LRRC4C: variants seen among roughly 807,000 people sequenced by gnomAD.
LRRC4C encodes the protein leucine rich repeat containing 4C.
In LRRC4C, 5 loss-of-function variants were observed where a neutral mutation model predicts 33.6. That is an observed-to-expected ratio of 0.15 (90% confidence interval 0.08 to 0.31). The LOEUF (loss-of-function observed/expected upper bound fraction) is 0.31. LRRC4C is among the 10% of genes least tolerant of loss of function. The probability of loss-of-function intolerance (pLI) is 1.00; values close to 1 mark genes in which losing one functional copy is unlikely to be tolerated. For synonymous variants in LRRC4C, 329 were observed against 302.0 expected (o/e 1.09, Z -0.93); for missense variants, 560 against 796.7 (o/e 0.70, Z 3.58).
At chr11:40,827,524 T>G (rs558199008) in intron 2 of LRRC4C, among the ~76,000 whole-genome samples, 5 of 152,056 alleles carry the variant, frequency 3.3e-5, no homozygotes, top group African/African-American at 1.2e-4. Flanking sequence ...CACTGACTCT[T>G]TGAGGTTAAC....
intron 2 of LRRC4C, among the ~76,000 whole-genome samples, chr11:40,927,438 T>A (rs1957449329): frequency 6.6e-6 from 1 of 151,860 alleles, no homozygotes; most frequent in Admixed American, 6.6e-5. Flanking sequence ...TTACTAAAGA[T>A]AACAAAATAT....
intron 1 of LRRC4C, among the ~76,000 whole-genome samples, chr11:41,387,663 T>G (rs1382251519): frequency 6.6e-6 from 1 of 151,752 alleles, no homozygotes. Context: ...TGTTGTTATA[T>G]ATCACCCTAA....
chr11:41,219,322 T>A (rs1947201636), intron 1 of LRRC4C, among the ~76,000 whole-genome samples: 1 of 152,174 alleles, frequency 6.6e-6, no homozygotes. Flanking sequence ...ACCCTTGGCA[T>A]CTGCACAGTC....
At chr11:40,758,016 T>C (rs1949031146) in intron 2 of LRRC4C, among the ~76,000 whole-genome samples, 1 of 152,160 alleles carries the variant, frequency 6.6e-6, no homozygotes, top group African/African-American at 2.4e-5. Context: ...ATCTGGAGAA[T>C]GACATTGGAA....
chr11:40,944,970 T>G (rs545953716), intron 1 of LRRC4C, among the ~76,000 whole-genome samples: 16 of 152,074 alleles, frequency 1.1e-4, no homozygotes, highest in Non-Finnish European at 2.4e-4. Context: ...CTCCTCATTT[T>G]TCCTACTGTA....
intron 1 of LRRC4C, among the ~76,000 whole-genome samples, chr11:40,968,452 G>GA (rs1407191412): frequency 6.6e-6 from 1 of 152,156 alleles, no homozygotes; most frequent in Non-Finnish European, 1.5e-5. Context: ...TTTAAATGTA[G>GA]AAAAAAATGA....
intron 1 of LRRC4C, among the ~76,000 whole-genome samples, chr11:40,972,708 C>T (rs1042584826): frequency 2.0e-5 from 3 of 152,124 alleles, no homozygotes; most frequent in East Asian, 1.9e-4. Context: ...CATCAGATCT[C>T]ATGAAAACTC....
chr11:40,388,404 C>T (rs1486519821), intron 3 of LRRC4C, among the ~76,000 whole-genome samples: 2 of 152,118 alleles, frequency 1.3e-5, no homozygotes, highest in Non-Finnish European at 2.9e-5. Context: ...AAAACTATTA[C>T]CTGGGCCAAG....
chr11:40,400,427 A>G (rs2137538353), intron 3 of LRRC4C, among the ~76,000 whole-genome samples: 1 of 152,236 alleles, frequency 6.6e-6, no homozygotes, highest in African/African-American at 2.4e-5. Context: ...GTGTGTATAT[A>G]TGTCTGTGTC....
At chr11:41,032,179 C>T (rs536513311) in intron 1 of LRRC4C, among the ~76,000 whole-genome samples, 5 of 152,086 alleles carry the variant, frequency 3.3e-5, no homozygotes, top group Admixed American at 1.3e-4. Flanking sequence ...GACTCAATTC[C>T]AATCCTTCTG....
chr11:41,371,826 A>T (rs1952757562), intron 1 of LRRC4C, among the ~76,000 whole-genome samples: 1 of 152,190 alleles, frequency 6.6e-6, no homozygotes, highest in South Asian at 2.1e-4. Context: ...TGCCACACTG[A>T]CTTCCTCCAA....
intron 2 of LRRC4C, among the ~76,000 whole-genome samples, chr11:40,717,489 T>C (rs985961434): frequency 2.0e-5 from 3 of 152,168 alleles, no homozygotes; most frequent in Admixed American, 6.5e-5. Flanking sequence ...ACTTTCTTTT[T>C]GGTACTAATG....
intron 3 of LRRC4C, among the ~76,000 whole-genome samples, chr11:40,452,777 A>G (rs187895271): frequency 2.0e-5 from 3 of 152,332 alleles, no homozygotes; most frequent in African/African-American, 7.2e-5. Flanking sequence ...ACTTGGAACC[A>G]AGCCAAATGT....
At chr11:41,260,515 C>A (rs1031694134) in intron 1 of LRRC4C, among the ~76,000 whole-genome samples, 2 of 151,874 alleles carry the variant, frequency 1.3e-5, no homozygotes, top group Non-Finnish European at 2.9e-5. Flanking sequence ...ATACAGAAAT[C>A]AAATCTTTAC....
chr11:40,374,875 T>G (rs2137290086), intron 3 of LRRC4C, among the ~76,000 whole-genome samples: 1 of 152,316 alleles, frequency 6.6e-6, no homozygotes, highest in African/African-American at 2.4e-5. Context: ...GGACCACTTC[T>G]TCAATATCTT....
At chr11:40,418,875 GA>G (rs1429515599) in intron 3 of LRRC4C, among the ~76,000 whole-genome samples, 1 of 152,164 alleles carries the variant, frequency 6.6e-6, no homozygotes, top group Non-Finnish European at 1.5e-5. Context: ...TGCAGGAACA[GA>G]AAACCAAACA....
intron 4 of LRRC4C, among the ~76,000 whole-genome samples, chr11:40,281,776 G>A (rs918797106): frequency 3.3e-5 from 5 of 152,120 alleles, no homozygotes; most frequent in African/African-American, 1.2e-4. Context: ...GTTCTAGGCA[G>A]GACCACATCG....
At chr11:41,266,017 G>A (rs756514377) in intron 1 of LRRC4C, among the ~76,000 whole-genome samples, 43 of 151,996 alleles carry the variant, frequency 2.8e-4, no homozygotes, top group Non-Finnish European at 5.0e-4. Flanking sequence ...TGGTAGCTGG[G>A]AGATAAAGAA....
intron 1 of LRRC4C, among the ~76,000 whole-genome samples, chr11:41,268,069 A>AT (rs1462330640): frequency 6.6e-6 from 1 of 152,122 alleles, no homozygotes; most frequent in Non-Finnish European, 1.5e-5. Context: ...ATACCAATGC[A>AT]TATATATAAT....
Sources: allele counts gnomAD v4.1 joint callset (sites outside exome capture counted in the v4.1 genomes callset), GRCh38; gene constraint gnomAD v4.1.1; transcripts MANE v1.5; gene names NCBI Gene and HGNC (gene_info 2026-07-23, HGNC 2026-07-21).